Variants in SNRPN observed in about 807,000 individuals in gnomAD.
SNRPN encodes the protein small nuclear ribonucleoprotein polypeptide N.
Under a neutral mutation model 25.2 loss-of-function variants are expected in SNRPN, and 7 were observed. The ratio of observed to expected loss-of-function variants is 0.28; its 90% CI spans 0.16 to 0.52. The LOEUF is 0.52. Ranked by LOEUF, SNRPN falls within the 20% of genes least tolerant of loss-of-function variation. SNRPN has a pLI of 0.96. For missense variants in SNRPN, 196 were observed against 322.5 expected (o/e 0.61, Z 3.00); for synonymous variants, 124 against 110.6 (o/e 1.12, Z -0.76).
chr15:24,888,469 A>T (rs1380929713), intron 2 of SNRPN, among the ~76,000 whole-genome samples: 1 of 152,140 alleles, frequency 6.6e-6, no homozygotes, highest in Non-Finnish European at 1.5e-5. Context: ...GTTTTGTAAT[A>T]GTTTATTTTT....
At chr15:24,967,808 GAAA>G (rs35146696) in intron 2 of SNRPN, 121 bp from the exon 3 acceptor site, 9,163 of 478,494 alleles carry the variant, frequency 0.019, no homozygotes, top group East Asian at 0.034. Flanking sequence ...ACCCTGTCTG[GAAA>G]AAAAAAAAAA....
intron 2 of SNRPN, among the ~76,000 whole-genome samples, chr15:24,908,696 GT>G (rs34344794): frequency 0.42 from 63,765 of 151,816 alleles, 15,164 homozygotes; most frequent in African/African-American, 0.66. Flanking sequence ...AAAGTTACAA[GT>G]TTTTTTCTAG....
At chr15:24,851,843 T>C (rs1233344892), upstream of SNRPN, 1 of 152,152 alleles carries the variant, frequency 6.6e-6, no homozygotes, top group Non-Finnish European at 1.5e-5. Flanking sequence ...GGAACTTGGA[T>C]GCTCCTGTTC....
chr15:24,930,182 T>TA (rs1169021057), intron 3 of SNRPN, among the ~76,000 whole-genome samples: 3 of 40,506 alleles, frequency 7.4e-5, no homozygotes, highest in African/African-American at 1.8e-4. Context: ...TTTTTCTAGA[T>TA]AAAAAATATA....
At chr15:24,869,979 C>T (rs12592279) in intron 1 of SNRPN, among the ~76,000 whole-genome samples, 49,607 of 151,978 alleles carry the variant, frequency 0.33, 9,332 homozygotes, top group African/African-American at 0.5. Flanking sequence ...ATATTCAGTT[C>T]ACATCTCCCT....
chr15:24,837,584 TG>T (rs1334426042), intron 2 of SNRPN, among the ~76,000 whole-genome samples: 8 of 151,844 alleles, frequency 5.3e-5, no homozygotes, highest in Admixed American at 4.6e-4. Context: ...TTAGCTAGGA[TG>T]GTCTCGATCT....
At chr15:24,943,042 G>T (rs4906936) in intron 3 of SNRPN, among the ~76,000 whole-genome samples, 59,955 of 145,848 alleles carry the variant, frequency 0.41, 12,690 homozygotes, top group African/African-American at 0.54. Flanking sequence ...TTTTTTTTTT[G>T]GGGCTGATTT....
chr15:24,890,377 A>G (rs569901430), intron 2 of SNRPN, among the ~76,000 whole-genome samples: 3 of 152,182 alleles, frequency 2.0e-5, no homozygotes, highest in South Asian at 2.1e-4. Context: ...AAAACTGTCC[A>G]TAAAAATACA....
At chr15:24,974,581 T>C in intron 4 of SNRPN, 125 bp downstream of exon 4, 1 of 907,610 alleles carries the variant, frequency 1.1e-6, no homozygotes, top group South Asian at 1.3e-5. Flanking sequence ...TGGATATGGA[T>C]TCTCATTGCA....
Position 24,929,952 on chromosome 15 carries a change from C to T in SNRPN, c.-391+9828C>T, listed in dbSNP as rs1402146838. Among the ~76,000 whole-genome samples, 2 of 151,878 alleles carry T rather than the reference C, an allele frequency of 1.3e-5. No individual in the cohort carries two copies. Among genetic ancestry groups the T allele is most frequent in the South Asian group, 2.1e-4 (1 of 4,814 alleles). On this transcript the variant is annotated intron_variant, in intron 3 of 11. Transcript: ENST00000400097. The surrounding 1 kb of genome is among the most constrained non-coding windows in gnomAD (Gnocchi z 5.3). ...CCTATAATCCCAGCACTTTGGGAGG[C>T]CAAGGCGGGTGGATCACGAGGTCAG...
chr15:24,914,035 G>A (rs1012424456), intron 2 of SNRPN, among the ~76,000 whole-genome samples: 2 of 152,138 alleles, frequency 1.3e-5, no homozygotes, highest in African/African-American at 4.8e-5. Flanking sequence ...GGCTGACCAG[G>A]GTCTAAAGTT....
chr15:24,930,582 C>CT (rs2060756242), intron 3 of SNRPN, among the ~76,000 whole-genome samples: 1 of 22,758 alleles, frequency 4.4e-5, no homozygotes. Flanking sequence ...CCTGTCTCTA[C>CT]AAAAATACAA....
chr15:24,896,474 T>G lies in SNRPN; in HGVS notation c.-505+9885T>G, dbSNP rs143219629. On this transcript the variant is annotated intron_variant, in intron 2 of 11. Transcript: ENST00000400097. ...CCCTTATCAGATGAGCCACTTAAAA[T>G]GGCTCCTAGGCAGATCACAAGGTCA... 8.8e-4 allele frequency among the ~76,000 whole-genome samples: 134 copies of G among 152,220 alleles called. 1 individual carries two copies. In the East Asian group the frequency reaches 0.018, roughly 20 times the overall value.
intron 2 of SNRPN, among the ~76,000 whole-genome samples, chr15:24,893,301 C>T (rs1178029625): frequency 2.6e-5 from 4 of 151,594 alleles, no homozygotes; most frequent in Non-Finnish European, 5.9e-5. Context: ...ATTAGGCCAA[C>T]TATTGATCAT....
chr15:24,882,834 A>AAAAAAAAAAAAAAAAAAAAAAAAAAAATC (rs527789915), intron 1 of SNRPN, among the ~76,000 whole-genome samples: 1 of 126,292 alleles, frequency 7.9e-6, no homozygotes, highest in Admixed American at 7.9e-5. Context: ...AAAAAAAAAA[A>AAAAAAAAAAAAAAAAAAAAAAAAAAAATC]TATATATATA....
At chr15:24,973,323 A>G (rs535673832) in intron 3 of SNRPN, among the ~76,000 whole-genome samples, 13 of 152,300 alleles carry the variant, frequency 8.5e-5, no homozygotes, top group African/African-American at 2.9e-4. Context: ...GGTTTGTGTA[A>G]GTACACTGTT....
At chr15:24,973,706 G>A (rs1008433270) in intron 3 of SNRPN, among the ~76,000 whole-genome samples, 2 of 152,170 alleles carry the variant, frequency 1.3e-5, no homozygotes, top group African/African-American at 4.8e-5. Flanking sequence ...GGCCGTTAAC[G>A]TGATTTATAA....
chr15:24,952,516 A>G (rs2062359553), upstream of SNRPN, among the ~76,000 whole-genome samples: 1 of 152,228 alleles, frequency 6.6e-6, no homozygotes, highest in African/African-American at 2.4e-5. Context: ...AACATAAAAT[A>G]TAAGTGAGCC....
At chr15:24,846,561 C>T (rs2052217033) in intron 2 of SNRPN, among the ~76,000 whole-genome samples, 1 of 152,152 alleles carries the variant, frequency 6.6e-6, no homozygotes, top group South Asian at 2.1e-4. Flanking sequence ...TTTAAATAGT[C>T]ATAGAAGGAA....
Sources: gnomAD v4.1 joint callset for allele counts (sites outside exome capture counted in the v4.1 genomes callset) on GRCh38, gnomAD v4.1.1 for gene constraint, Gnocchi (gnomAD v3.1) non-coding constraint, MANE v1.5 for transcripts, NCBI Gene and HGNC (gene_info 2026-07-23, HGNC 2026-07-21) for gene names.